The following PCDH11X variants were observed in gnomAD, a reference collection of about 807,000 sequenced individuals.
The protein encoded by PCDH11X is protocadherin-11 X-linked.
PCDH11X carries 18 observed loss-of-function variants against 53.3 expected under a neutral mutation model. The observed-to-expected ratio is 0.34, with a 90% CI of 0.23 to 0.50. The LOEUF is 0.50. PCDH11X is among the 20% of genes least tolerant of loss of function. PCDH11X has a pLI of 0.98. For synonymous variants in PCDH11X, 279 were observed against 393.3 expected (o/e 0.71, Z 3.44); for missense variants, 570 against 1,032.4 (o/e 0.55, Z 6.14).
In PCDH11X at chrX:91,852,510, C is replaced by T. The variant is rs774227210; in HGVS notation, c.540+16466C>T. The stretch of plus-strand genomic sequence containing the variant: ...TCTCAGAGTCTTTTCTGATTATTTG[C>T]TGGACCCTACATTTATAATTCCATT... On this transcript the variant is annotated intron_variant, in intron 5 of 10. Coordinates refer to ENST00000682573, the MANE Select transcript of PCDH11X (RefSeq NM_032968.5). Among the ~76,000 whole-genome samples, 6 of 111,266 alleles carry T rather than the reference C, an allele frequency of 5.4e-5. No individual in the cohort carries two copies. In the South Asian group the frequency reaches 2.3e-3, roughly 42 times the overall value.
chrX:92,567,397 A>G (rs1313388279), intron 10 of PCDH11X, among the ~76,000 whole-genome samples: 10 of 87,938 alleles, frequency 1.1e-4, no homozygotes, highest in African/African-American at 4.2e-4. Flanking sequence ...GCAATTGTGA[A>G]TAGGAAATCA....
intron 6 of PCDH11X, among the ~76,000 whole-genome samples, chrX:91,908,078 C>CT (rs201593903): frequency 0.012 from 1,361 of 111,465 alleles, 18 homozygotes; most frequent in African/African-American, 0.041. Context: ...TTGGAAGATA[C>CT]CCTAAGCAAT....
chrX:92,313,394 A>T (rs1486717696), intron 8 of PCDH11X, among the ~76,000 whole-genome samples: 1 of 106,032 alleles, frequency 9.4e-6, no homozygotes, highest in African/African-American at 3.4e-5. Context: ...ATCTGGCCAA[A>T]TACCTATACT....
rs759455777 is a variant in PCDH11X at position 92,056,459 on chromosome X, G to A, written c.3034-144916G>A. ...CCTTTGTTGGATACATAGTTGGCAA[G>A]AATTTTCTCCCATTCTGTAGGTTGT... On this transcript the variant is annotated intron_variant, in intron 6 of 10. Transcript: ENST00000682573. 1.3e-4 allele frequency among the ~76,000 whole-genome samples: 14 copies of A among 111,434 alleles called. No homozygotes were observed. The South Asian group carries it at 4.9e-3, about 39-fold the overall frequency.
chrX:91,860,490 C>G (rs1186898002), intron 5 of PCDH11X, among the ~76,000 whole-genome samples: 1 of 110,283 alleles, frequency 9.1e-6, no homozygotes, highest in African/African-American at 3.3e-5. Flanking sequence ...CCAGAACTTC[C>G]AATACTATGT....
At chrX:91,823,567 T>C (rs1336644201) in intron 4 of PCDH11X, among the ~76,000 whole-genome samples, 1 of 111,540 alleles carries the variant, frequency 9.0e-6, no homozygotes, top group African/African-American at 3.3e-5. Flanking sequence ...CCTATGTGTG[T>C]CTCTGCACGT....
At chrX:91,997,395 C>G (rs939094635) in intron 6 of PCDH11X, among the ~76,000 whole-genome samples, 3 of 111,050 alleles carry the variant, frequency 2.7e-5, no homozygotes, top group Non-Finnish European at 5.7e-5. Flanking sequence ...TATGTTCCTT[C>G]TATATCTAAT....
chrX:92,389,986 G>C (rs1266889541), intron 9 of PCDH11X, among the ~76,000 whole-genome samples: 1 of 110,015 alleles, frequency 9.1e-6, no homozygotes, highest in Admixed American at 9.8e-5. Flanking sequence ...AACTTTAGTT[G>C]CTCAATCGAT....
At chrX:91,949,925 G>C (rs1308171013) in intron 6 of PCDH11X, among the ~76,000 whole-genome samples, 1 of 108,100 alleles carries the variant, frequency 9.3e-6, no homozygotes, top group Non-Finnish European at 1.9e-5. Context: ...GGAATAACTG[G>C]AGTGATCAGG....
chrX:92,353,485 C>G (rs1010177508), intron 8 of PCDH11X, among the ~76,000 whole-genome samples: 2 of 110,557 alleles, frequency 1.8e-5, no homozygotes, highest in East Asian at 5.7e-4. Flanking sequence ...ATTCCATCAA[C>G]TTAATTCTAC....
intron 9 of PCDH11X, among the ~76,000 whole-genome samples, chrX:92,392,335 G>A (rs2522575): frequency 9.0e-6 from 1 of 111,033 alleles, no homozygotes; most frequent in Non-Finnish European, 1.9e-5. Flanking sequence ...GTTTATCTCA[G>A]GTTAGCAAAT....
intron 5 of PCDH11X, among the ~76,000 whole-genome samples, chrX:91,870,828 GGAGATGGTGTTTTCTTACCCAAAGA>G (rs1939254279): frequency 5.5e-5 from 6 of 109,112 alleles, no homozygotes; most frequent in African/African-American, 1.3e-4. Context: ...TTACCCAAAG[GGAGATGGTGTTTTCTTACCCAAAGA>G]GAGATGGTGT....
At chrX:92,189,675 C>T (rs2066159331) in intron 6 of PCDH11X, among the ~76,000 whole-genome samples, 1 of 112,068 alleles carries the variant, frequency 8.9e-6, no homozygotes, top group Non-Finnish European at 1.9e-5. Flanking sequence ...ATTTGCACTC[C>T]TACCAACAGT....
intron 4 of PCDH11X, among the ~76,000 whole-genome samples, chrX:91,834,326 AG>A (rs1208049805): frequency 2.7e-5 from 3 of 111,063 alleles, no homozygotes; most frequent in African/African-American, 9.8e-5. Context: ...GAATTTTGTC[AG>A]AAGAGTTCAA....
intron 6 of PCDH11X, among the ~76,000 whole-genome samples, chrX:92,026,586 C>T (rs370829598): frequency 0.012 from 1,226 of 99,997 alleles, 12 homozygotes; most frequent in Middle Eastern, 0.04. Flanking sequence ...TCTATGGATT[C>T]CCTTTTGGAA....
chrX:92,550,923 C>CT (rs978681182), intron 10 of PCDH11X, among the ~76,000 whole-genome samples: 4 of 109,269 alleles, frequency 3.7e-5, no homozygotes, highest in Admixed American at 3.0e-4. Flanking sequence ...GGATCTCATT[C>CT]TTTTTTATGG....
chrX:92,359,024 T>C (rs1173074025), intron 8 of PCDH11X, among the ~76,000 whole-genome samples: 1 of 109,384 alleles, frequency 9.1e-6, no homozygotes, highest in Non-Finnish European at 1.9e-5. Context: ...TGTAAATTAA[T>C]TGTGACACAT....
intron 10 of PCDH11X, among the ~76,000 whole-genome samples, chrX:92,528,307 T>A (rs2074493539): frequency 8.9e-6 from 1 of 112,433 alleles, no homozygotes; most frequent in South Asian, 3.6e-4. Context: ...TATTTATTTT[T>A]TTGAGACGGA....
chrX:92,394,648 A>G (rs2071204353), intron 9 of PCDH11X, among the ~76,000 whole-genome samples: 1 of 111,623 alleles, frequency 9.0e-6, no homozygotes, highest in Admixed American at 9.6e-5. Context: ...TCCTTTGCCT[A>G]TAAGACAGAC....
Sources: allele counts gnomAD v4.1 joint callset (sites outside exome capture counted in the v4.1 genomes callset), GRCh38; gene constraint gnomAD v4.1.1; transcripts MANE v1.5; gene names NCBI Gene and HGNC (gene_info 2026-07-23, HGNC 2026-07-21).